NTN4: variants seen among roughly 807,000 people sequenced by gnomAD.
The protein encoded by NTN4 is netrin-4.
Under a neutral mutation model 73.6 loss-of-function variants are expected in NTN4, and 32 were observed. The observed-to-expected ratio is 0.44, with a 90% CI of 0.33 to 0.58. NTN4 has a LOEUF of 0.58. Ranked by LOEUF, NTN4 falls within the 20% of genes least tolerant of loss-of-function variation. NTN4 has a pLI of 0.04. For synonymous variants in NTN4, 258 were observed against 287.5 expected, an observed-to-expected ratio of 0.90 and a Z score of 1.04; for missense variants, 654 against 798.3, an observed-to-expected ratio of 0.82 and a Z score of 2.18.
intron 2 of NTN4, among the ~76,000 whole-genome samples, chr12:95,765,684 T>C (rs2121256274): frequency 6.6e-6 from 1 of 152,130 alleles, no homozygotes; most frequent in Admixed American, 6.5e-5. Context: ...AGTGACAGGA[T>C]GAACTGGCCC....
At chr12:95,739,858 C>T (rs762722897) in intron 2 of NTN4, 5 of 152,248 alleles carry the variant, frequency 3.3e-5, no homozygotes, top group Admixed American at 2.0e-4. Flanking sequence ...GACATTTACC[C>T]TAGTTCCCTC....
intron 2 of NTN4, among the ~76,000 whole-genome samples, chr12:95,757,987 C>G (rs966776530): frequency 1.4e-4 from 22 of 152,104 alleles, no homozygotes; most frequent in African/African-American, 5.3e-4. Context: ...ATTCATTCAT[C>G]AGTTGATGGA....
intron 1 of NTN4, among the ~76,000 whole-genome samples, chr12:95,787,675 T>C (rs11108263): frequency 0.27 from 41,101 of 151,876 alleles, 6,066 homozygotes; most frequent in South Asian, 0.4. Context: ...CGTGTGTGTG[T>C]GCGTGTGTGT....
At chr12:95,711,410 T>G (rs1217350877) in intron 4 of NTN4, among the ~76,000 whole-genome samples, 1 of 152,176 alleles carries the variant, frequency 6.6e-6, no homozygotes, top group Non-Finnish European at 1.5e-5. Context: ...ATCTCAAGGG[T>G]CATCCCTGTG....
rs1592718702 is a variant in NTN4 at position 95,778,360 on chromosome 12, A to C, written c.585+8579T>G. Among the ~76,000 whole-genome samples, 7 of 152,208 alleles carry C rather than the reference A, an allele frequency of 4.6e-5. No individual in the cohort carries two copies. The South Asian group carries it at 1.5e-3, about 32-fold the overall frequency. On this transcript the variant is annotated intron_variant, in intron 2 of 9. Transcript: ENST00000343702. ...GACACAAAAAAACCTTCAAAAAATC[A>C]ATGAATCCAGGAGCTGGTTTTTTGA...
intron 7 of NTN4, 98 bp from the exon 8 acceptor site, chr12:95,670,244 G>A (rs1001594141): frequency 2.5e-5 from 16 of 642,830 alleles, no homozygotes; most frequent in Non-Finnish European, 4.0e-5. Flanking sequence ...CATCCCTTAA[G>A]CCTTGAGTGA....
intron 3 of NTN4, among the ~76,000 whole-genome samples, chr12:95,724,825 A>T (rs779570538): frequency 1.3e-5 from 2 of 151,998 alleles, no homozygotes; most frequent in Non-Finnish European, 2.9e-5. Context: ...CATTCTACCT[A>T]CTCCATCTTT....
intron 9 of NTN4, among the ~76,000 whole-genome samples, chr12:95,661,822 A>G (rs972721961): frequency 7.5e-6 from 1 of 133,324 alleles, no homozygotes; most frequent in African/African-American, 2.9e-5. Flanking sequence ...TCAACAAGTC[A>G]TAAAAAAGGA....
intron 3 of NTN4, among the ~76,000 whole-genome samples, chr12:95,716,133 A>G (rs1167211366): frequency 6.6e-6 from 1 of 152,108 alleles, no homozygotes; most frequent in Non-Finnish European, 1.5e-5. Context: ...AAAAACACAT[A>G]AATAATCTGA....
rs939265770 is a variant in NTN4, at chr12:95,789,399, C to A, written c.55+856G>T. Among the ~76,000 whole-genome samples the A allele has an allele frequency of 2.0e-5, 3 of 152,222 alleles. No individual in the cohort carries two copies. The highest frequency in any genetic ancestry group is 7.2e-5 in the African/African-American group (3 of 41,458). ...TGTCTGCAGACTCCCTCACATCTCTCCCCCTCACCTACAGGGCTGCGCTTA... is the reference window on the plus strand; with the variant it reads ...TGTCTGCAGACTCCCTCACATCTCTACCCCTCACCTACAGGGCTGCGCTTA... On this transcript the variant is annotated intron_variant, in intron 1 of 9. Coordinates refer to ENST00000343702, the MANE Select transcript of NTN4 (RefSeq NM_021229.4). The surrounding 1 kb of genome is among the most constrained non-coding windows in gnomAD (Gnocchi z 4.0).
At chr12:95,716,943 T>G (rs1253394930) in intron 3 of NTN4, among the ~76,000 whole-genome samples, 1 of 151,928 alleles carries the variant, frequency 6.6e-6, no homozygotes, top group Admixed American at 6.6e-5. Flanking sequence ...CCGAGTAGCT[T>G]GGACAACAGG....
At chr12:95,738,259 TAAC>T (rs2078796571) in intron 2 of NTN4, 115 bp from the exon 3 acceptor site, 3 of 1,031,016 alleles carry the variant, frequency 2.9e-6, no homozygotes, top group Admixed American at 2.3e-5. Context: ...AACGATAAGA[TAAC>T]AAGAAGTTTT....
intron 3 of NTN4, among the ~76,000 whole-genome samples, chr12:95,727,795 A>G (rs1008036045): frequency 6.6e-6 from 1 of 152,102 alleles, no homozygotes; most frequent in Admixed American, 6.5e-5. Context: ...TTGCTTTCCC[A>G]CCTGAATTTT....
At chr12:95,712,154 G>A (rs975703279) in intron 4 of NTN4, among the ~76,000 whole-genome samples, 7 of 152,078 alleles carry the variant, frequency 4.6e-5, no homozygotes, top group Non-Finnish European at 7.4e-5. Flanking sequence ...ATGGGCACGC[G>A]CATTTCTCTG....
At chr12:95,722,622 C>T (rs773999110) in intron 3 of NTN4, among the ~76,000 whole-genome samples, 11 of 151,666 alleles carry the variant, frequency 7.3e-5, no homozygotes, top group South Asian at 4.2e-4. Context: ...GACCTTGTCT[C>T]GAAAAACAAA....
intron 3 of NTN4, among the ~76,000 whole-genome samples, chr12:95,713,792 A>G (rs2078584795): frequency 6.6e-6 from 1 of 152,310 alleles, no homozygotes; most frequent in Non-Finnish European, 1.5e-5. Flanking sequence ...TCTTTTTCAC[A>G]TAATATATTG....
chr12:95,741,191 C>T (rs1439707830), intron 2 of NTN4, among the ~76,000 whole-genome samples: 1 of 151,508 alleles, frequency 6.6e-6, no homozygotes, highest in Non-Finnish European at 1.5e-5. Flanking sequence ...CCGGGAATGA[C>T]TTCCAAGACC....
intron 2 of NTN4, among the ~76,000 whole-genome samples, chr12:95,776,682 T>G (rs1379831436): frequency 1.3e-5 from 2 of 152,192 alleles, no homozygotes; most frequent in African/African-American, 4.8e-5. Flanking sequence ...AATCTACATC[T>G]GATTGGTGTG....
At chr12:95,788,543 A>G (rs1222867442) in intron 1 of NTN4, among the ~76,000 whole-genome samples, 2 of 152,212 alleles carry the variant, frequency 1.3e-5, no homozygotes, top group East Asian at 3.8e-4. Context: ...GGAAAAGGAA[A>G]TCAACCCTTA....
Sources: gnomAD v4.1 joint callset for allele counts (sites outside exome capture counted in the v4.1 genomes callset) on GRCh38, gnomAD v4.1.1 for gene constraint, Gnocchi (gnomAD v3.1) non-coding constraint, MANE v1.5 for transcripts, NCBI Gene and HGNC (gene_info 2026-07-23, HGNC 2026-07-21) for gene names.